Variants in PPP3CC observed in about 807,000 individuals in gnomAD.
The protein encoded by PPP3CC is serine/threonine-protein phosphatase 2B catalytic subunit gamma isoform.
PPP3CC carries 35 observed loss-of-function variants against 60.3 expected under a neutral mutation model. That is an observed-to-expected ratio of 0.58 (90% CI 0.44 to 0.77). PPP3CC has a LOEUF of 0.77. Among genes scored for constraint, PPP3CC ranks in the 30% least tolerant of loss-of-function variants. The pLI is 0.00. For synonymous variants in PPP3CC, 206 were observed against 224.3 expected (o/e 0.92, Z 0.73); for missense variants, 570 against 628.9 (o/e 0.91, Z 1.00).
chr8:22,469,783 C>A (rs961244019), intron 1 of PPP3CC, among the ~76,000 whole-genome samples: 1 of 151,754 alleles, frequency 6.6e-6, no homozygotes, highest in African/African-American at 2.4e-5. Context: ...CCAGAAGTTG[C>A]GGAGCAGAGA....
At chr8:22,462,112 C>T (rs959594528) in intron 1 of PPP3CC, among the ~76,000 whole-genome samples, 2 of 151,966 alleles carry the variant, frequency 1.3e-5, no homozygotes, top group Non-Finnish European at 2.9e-5. Context: ...AGTGTGGTGG[C>T]ACACACCTGT....
At chr8:22,478,376 T>C (rs1837962308) in intron 3 of PPP3CC, among the ~76,000 whole-genome samples, 1 of 152,104 alleles carries the variant, frequency 6.6e-6, no homozygotes, top group Admixed American at 6.6e-5. Flanking sequence ...GGTCTTGGAC[T>C]CCTGAACTCG....
At chr8:22,508,169 C>T (rs569519961) in intron 4 of PPP3CC, among the ~76,000 whole-genome samples, 1 of 152,140 alleles carries the variant, frequency 6.6e-6, no homozygotes, top group South Asian at 2.1e-4. Context: ...ACAGGAGGAC[C>T]ACTTGATCCT....
At chr8:22,451,755 G>A (rs900636917) in intron 1 of PPP3CC, among the ~76,000 whole-genome samples, 3 of 152,170 alleles carry the variant, frequency 2.0e-5, no homozygotes, top group East Asian at 3.8e-4. Context: ...TTCAGTGTAC[G>A]CAAATTTATT....
intron 1 of PPP3CC, among the ~76,000 whole-genome samples, chr8:22,460,598 C>T (rs548491741): frequency 6.2e-4 from 94 of 151,992 alleles, no homozygotes; most frequent in African/African-American, 2.1e-3. Flanking sequence ...GGTGGGAGAA[C>T]TGCTTGAAGC....
chr8:22,476,872 C>T (rs1837903332), intron 3 of PPP3CC, among the ~76,000 whole-genome samples: 1 of 148,324 alleles, frequency 6.7e-6, no homozygotes. Context: ...ACGGAGCTTG[C>T]AGTGAGCTGA....
At chr8:22,489,712 A>AGTATATATTATATATTATATATTATATAT (rs1563731690) in intron 3 of PPP3CC, among the ~76,000 whole-genome samples, 43 of 136,954 alleles carry the variant, frequency 3.1e-4, no homozygotes, top group Middle Eastern at 3.7e-3. Context: ...ATTATATATA[A>AGTATATATTATATATTATATATTATATAT]GTATATATTA....
chr8:22,484,804 T>G (rs1838174942), intron 3 of PPP3CC, among the ~76,000 whole-genome samples: 1 of 152,230 alleles, frequency 6.6e-6, no homozygotes, highest in Non-Finnish European at 1.5e-5. Context: ...TATCTGCTGG[T>G]TTTAAGTGTT....
intron 8 of PPP3CC, 29 bp downstream of exon 8, chr8:22,522,778 G>A: frequency 6.9e-7 from 1 of 1,444,662 alleles, no homozygotes; most frequent in Non-Finnish European, 9.7e-7. Flanking sequence ...ATTTGAGTTT[G>A]AATTTATGAG....
chr8:22,482,956 G>T (rs1838112170), intron 3 of PPP3CC, among the ~76,000 whole-genome samples: 1 of 152,166 alleles, frequency 6.6e-6, no homozygotes, highest in Admixed American at 6.5e-5. Flanking sequence ...AAGTTGGAGA[G>T]AGTCACCTTC....
chr8:22,470,524 A>G (rs1837690461), intron 1 of PPP3CC, among the ~76,000 whole-genome samples: 1 of 152,208 alleles, frequency 6.6e-6, no homozygotes, highest in Non-Finnish European at 1.5e-5. Flanking sequence ...ACATCTGATA[A>G]AGGACATGTA....
chr8:22,502,453 G>A (rs1838789967), intron 4 of PPP3CC, among the ~76,000 whole-genome samples: 1 of 152,204 alleles, frequency 6.6e-6, no homozygotes, highest in African/African-American at 2.4e-5. Flanking sequence ...GGGAGGCCGA[G>A]ATGGGGGCAT....
chr8:22,539,483 G>T lies in PPP3CC; in HGVS notation c.1336G>T (p.Val446Leu). ...CCCTCTTACAGCCACAGTAGAAGCG[G>T]TAGAGGCCCGGGAAGGTATGGCCAT... ...QTIETATVEA[V>L]EAREAIRGFS... is the part of the protein sequence containing the mutation. The change falls in exon 13 of 14, where the codon GTA becomes TTA. Residue 446 changes from valine (V) to leucine (L), a missense_variant. Physicochemically the swap from Val to Leu is conservative, Grantham distance 32. Transcript: ENST00000240139. The T allele has an allele frequency of 6.2e-7, 1 of 1,614,032 alleles. No individual in the cohort carries two copies. The highest frequency in any genetic ancestry group is 8.5e-7 in the Non-Finnish European group (1 of 1,180,004).
chr8:22,482,412 T>G (rs887149805), intron 3 of PPP3CC, among the ~76,000 whole-genome samples: 1 of 152,244 alleles, frequency 6.6e-6, no homozygotes, highest in African/African-American at 2.4e-5. Flanking sequence ...TTGTTTAAGT[T>G]CATTATAGAT....
intron 12 of PPP3CC, among the ~76,000 whole-genome samples, chr8:22,538,852 T>G (rs1350997373): frequency 6.6e-6 from 1 of 152,212 alleles, no homozygotes; most frequent in African/African-American, 2.4e-5. Context: ...GGTACACACA[T>G]TTGCATTAGG....
chr8:22,482,223 A>G (rs1012817511), intron 3 of PPP3CC, among the ~76,000 whole-genome samples: 2 of 152,226 alleles, frequency 1.3e-5, no homozygotes, highest in Non-Finnish European at 2.9e-5. Context: ...AATGATCGCC[A>G]TTCTAACTGG....
chr8:22,448,699 T>G (rs1836914199), intron 1 of PPP3CC, among the ~76,000 whole-genome samples: 2 of 152,124 alleles, frequency 1.3e-5, no homozygotes, highest in Non-Finnish European at 2.9e-5. Flanking sequence ...TTAAATGTCT[T>G]GAATGTGACT....
intron 3 of PPP3CC, among the ~76,000 whole-genome samples, chr8:22,485,277 C>CT (rs1191326044): frequency 1.3e-5 from 2 of 152,104 alleles, no homozygotes; most frequent in African/African-American, 4.8e-5. Context: ...AAAGTACCCA[C>CT]TTACCAAGAA....
chr8:22,475,619 A>G lies in PPP3CC; in HGVS notation c.367A>G (p.Ile123Val). The G allele has an allele frequency of 1.9e-6, 3 of 1,611,794 alleles. No individual in the cohort carries two copies. The highest frequency in any genetic ancestry group is 4.5e-5 in the East Asian group (2 of 44,748). Residue 123 changes from isoleucine to valine, a missense_variant, in exon 3 of 14, where the codon ATA (isoleucine) becomes GTA (valine). Coordinates refer to ENST00000240139, the MANE Select transcript of PPP3CC (RefSeq NM_005605.5). ...GDYVDRGYFS[I>V]ECVLYLWSLK... Reference sequence around the variant, plus strand: ...CTATGTGGACAGAGGCTATTTCAGTATAGAGGTAAAAATTAAACTGGATAT... The same window carrying G: ...CTATGTGGACAGAGGCTATTTCAGTGTAGAGGTAAAAATTAAACTGGATAT...
Sources: gnomAD v4.1 joint callset for allele counts (sites outside exome capture counted in the v4.1 genomes callset) on GRCh38, gnomAD v4.1.1 for gene constraint, MANE v1.5 for transcripts, NCBI Gene and HGNC (gene_info 2026-07-23, HGNC 2026-07-21) for gene names.